The following CHD9 variants were observed in gnomAD, a reference collection of about 807,000 sequenced individuals.
CHD9 encodes ATP-dependent chromatin remodeler CHD9.
Under a neutral mutation model 316.1 loss-of-function variants are expected in CHD9, and 77 were observed. The observed-to-expected ratio is 0.24, with a 90% CI of 0.20 to 0.29. The LOEUF is 0.29. Among genes scored for constraint, CHD9 ranks in the 10% least tolerant of loss-of-function variants. CHD9 has a pLI of 1.00. For missense variants in CHD9, 2,763 were observed against 3,438.1 expected (o/e 0.80, Z 4.91); for synonymous variants, 1,129 against 1,158.3 (o/e 0.97, Z 0.51).
chr16:53,177,912 C>T (rs921481949), intron 2 of CHD9, among the ~76,000 whole-genome samples: 1 of 152,158 alleles, frequency 6.6e-6, no homozygotes, highest in Non-Finnish European at 1.5e-5. Flanking sequence ...CATCCTAAAC[C>T]CCAAGAGGCC....
At chr16:53,274,632 A>AT (rs2153016565) in intron 24 of CHD9, among the ~76,000 whole-genome samples, 1 of 151,632 alleles carries the variant, frequency 6.6e-6, no homozygotes, top group African/African-American at 2.4e-5. Flanking sequence ...ATTTTTTTGT[A>AT]TTTTTAGTAG....
chr16:53,315,431 T>A (rs2056804855), intron 36 of CHD9, among the ~76,000 whole-genome samples: 1 of 152,210 alleles, frequency 6.6e-6, no homozygotes, highest in Non-Finnish European at 1.5e-5. Flanking sequence ...GCACACCACA[T>A]GCATTACCTC....
chr16:53,200,328 AC>A (rs2045338458), intron 2 of CHD9, among the ~76,000 whole-genome samples: 3 of 144,256 alleles, frequency 2.1e-5, no homozygotes, highest in African/African-American at 7.8e-5. Flanking sequence ...CCAAGATCAC[AC>A]CACTGCACTC....
intron 1 of CHD9, among the ~76,000 whole-genome samples, chr16:53,141,531 A>G (rs1363899751): frequency 6.6e-6 from 1 of 152,186 alleles, no homozygotes; most frequent in Non-Finnish European, 1.5e-5. Flanking sequence ...TGAAAATGAT[A>G]TGTTGTTGCT....
chr16:53,267,580 T>C lies in CHD9; in HGVS notation c.4517+90T>C, dbSNP rs1423788862. 4.2e-6 allele frequency: 4 copies of C among 943,408 alleles called. No homozygotes were observed. The East Asian group carries it at 1.1e-4, about 25-fold the overall frequency. 58.4% of individuals were successfully genotyped at this position (943,408 alleles called of 1,614,324 possible). A position where few individuals can be genotyped will look rare whatever the true frequency, so the allele number is the denominator to read the frequency against. On this transcript the variant is annotated intron_variant, in intron 21 of 38. Transcript: ENST00000447540. ...CTGGTTTTGAGTATATTTTTTATCT[T>C]CTTAGAATCATTAAAATTTACTTTT...
chr16:53,322,000 C>CTTTTT (rs61037497), intron 38 of CHD9, among the ~76,000 whole-genome samples: 2 of 132,240 alleles, frequency 1.5e-5, no homozygotes, highest in Non-Finnish European at 3.2e-5. Context: ...TTTTCTTTTT[C>CTTTTT]TTTTTTTTTT....
At chr16:53,069,305 G>T (rs2033800327) in intron 1 of CHD9, among the ~76,000 whole-genome samples, 1 of 152,162 alleles carries the variant, frequency 6.6e-6, no homozygotes. Flanking sequence ...CGCCCAGCCT[G>T]CATTTTCTTT....
intron 2 of CHD9, among the ~76,000 whole-genome samples, chr16:53,202,763 T>C (rs2045572459): frequency 6.6e-6 from 1 of 152,068 alleles, no homozygotes; most frequent in Non-Finnish European, 1.5e-5. Context: ...ATTAAGATTA[T>C]GACACTTAAA....
intron 1 of CHD9, among the ~76,000 whole-genome samples, chr16:53,151,214 C>A (rs562857616): frequency 8.4e-6 from 1 of 118,692 alleles, no homozygotes; most frequent in African/African-American, 3.1e-5. Context: ...CCCTCCCCTC[C>A]CCCCCTCCCC....
chr16:53,101,345 G>C (rs1567328524), intron 1 of CHD9, among the ~76,000 whole-genome samples: 1 of 145,018 alleles, frequency 6.9e-6, no homozygotes, highest in Non-Finnish European at 1.5e-5. Context: ...TGCAATCACA[G>C]CTCACTGCAG....
intron 24 of CHD9, among the ~76,000 whole-genome samples, chr16:53,280,297 A>G (rs1257751490): frequency 6.6e-6 from 1 of 151,564 alleles, no homozygotes; most frequent in Non-Finnish European, 1.5e-5. Context: ...CAACGAATGG[A>G]TAAAGAAACT....
In CHD9 at chr16:53,255,770, A is replaced by G; in HGVS notation, c.4200A>G (p.Thr1400=). 6.2e-7 allele frequency: 1 copy of G among 1,613,764 alleles called. No homozygotes were observed. ...ITIESEGRGS[T]FAKASFVASG... ...TTGAATCAGAAGGACGTGGGTCAAC[A>G]TTTGCCAAGGTAATAGTGGGTGCAA... Residue 1400 remains threonine (T), a synonymous_variant, in exon 19 of 39, where the codon ACA becomes ACG. Coordinates refer to ENST00000447540, the MANE Select transcript of CHD9 (RefSeq NM_001308319.2).
intron 2 of CHD9, among the ~76,000 whole-genome samples, chr16:53,165,311 G>A (rs1174118335): frequency 1.3e-5 from 2 of 152,062 alleles, no homozygotes; most frequent in Non-Finnish European, 2.9e-5. Flanking sequence ...CTCCTGAGTG[G>A]CAATTACAAA....
In CHD9 at chr16:53,273,675, T is replaced by C. The variant is rs1318272786; in HGVS notation, c.4767T>C (p.Thr1589=). 1 of 1,613,134 alleles carries C rather than the reference T, an allele frequency of 6.2e-7. No homozygotes were observed. The highest frequency in any genetic ancestry group is 1.7e-4 in the Middle Eastern group (1 of 6,054). ...GTCGAAAAGGGAAGAAAGTAAAAAC[T>C]CAAACAAGCTCATTTGATATACAAA... ...PRGRKGKKVK[T]QTSSFDIQKA... The change falls in exon 23 of 39, where the codon ACT becomes ACC. Residue 1589 remains threonine, a synonymous_variant. Coordinates refer to ENST00000447540, the MANE Select transcript of CHD9 (RefSeq NM_001308319.2).
intron 31 of CHD9, among the ~76,000 whole-genome samples, chr16:53,305,810 G>GA (rs1297483503): frequency 1.3e-5 from 2 of 152,270 alleles, no homozygotes; most frequent in Admixed American, 1.3e-4. Context: ...GTTGCCGCAA[G>GA]AAACATGCCC....
intron 1 of CHD9, among the ~76,000 whole-genome samples, chr16:53,111,403 T>C (rs2037855554): frequency 6.6e-6 from 1 of 152,204 alleles, no homozygotes; most frequent in South Asian, 2.1e-4. Flanking sequence ...AAAAAAGTCT[T>C]TTTCAAGAAA....
At chr16:53,151,917 C>G (rs543870903) in intron 1 of CHD9, among the ~76,000 whole-genome samples, 2 of 151,944 alleles carry the variant, frequency 1.3e-5, no homozygotes, top group East Asian at 3.9e-4. Flanking sequence ...TTTCTGTCAA[C>G]TTTTTTCTTC....
chr16:53,321,093 AC>A (rs568999422), intron 37 of CHD9: 231 of 507,212 alleles, frequency 4.6e-4, no homozygotes, highest in African/African-American at 4.3e-3. Flanking sequence ...ATGCTAAGGT[AC>A]TTGAATTGTC....
chr16:53,121,793 T>C (rs1471060907), intron 1 of CHD9: 5 of 159,578 alleles, frequency 3.1e-5, no homozygotes, highest in Non-Finnish European at 5.5e-5. Flanking sequence ...TTTCTAGTGA[T>C]ATCCTTCAGT....
Sources: allele counts gnomAD v4.1 joint callset (sites outside exome capture counted in the v4.1 genomes callset), GRCh38; gene constraint gnomAD v4.1.1; transcripts MANE v1.5; gene names NCBI Gene and HGNC (gene_info 2026-07-23, HGNC 2026-07-21).